HIPK1: variants seen among roughly 807,000 people sequenced by gnomAD.
The protein encoded by HIPK1 is homeodomain interacting protein kinase 1, also known as homeodomain-interacting protein kinase 1.
In HIPK1, 28 loss-of-function variants were observed where a neutral mutation model predicts 117.1. The ratio of observed to expected loss-of-function variants is 0.24; its 90% CI spans 0.18 to 0.33. The LOEUF is 0.33. HIPK1 is among the 10% of genes least tolerant of loss of function. The probability of loss-of-function intolerance (pLI) is 1.00; values close to 1 mark genes in which losing one functional copy is unlikely to be tolerated. For synonymous variants in HIPK1, 605 were observed against 562.5 expected, an observed-to-expected ratio of 1.08 and a Z score of -1.07; for missense variants, 1,122 against 1,475.1, an observed-to-expected ratio of 0.76 and a Z score of 3.92.
At chr1:113,936,499 C>A (rs2101135307) in intron 1 of HIPK1, among the ~76,000 whole-genome samples, 2 of 151,968 alleles carry the variant, frequency 1.3e-5, no homozygotes, top group South Asian at 4.2e-4. Context: ...GAGTCTCACT[C>A]TGTCGCCCAG....
intron 2 of HIPK1, among the ~76,000 whole-genome samples, chr1:113,946,619 G>A (rs1671009418): frequency 6.6e-6 from 1 of 152,044 alleles, no homozygotes; most frequent in Non-Finnish European, 1.5e-5. Flanking sequence ...ATTCATTTTG[G>A]TTTTGTTTTT....
rs1317738824 is a variant in HIPK1, at chr1:113,929,375, CAG to C, written c.-157_-156del. The C allele has an allele frequency of 1.1e-5, 14 of 1,289,512 alleles. No homozygotes were observed. Among genetic ancestry groups the C allele is most frequent in the Non-Finnish European group, 1.3e-5 (13 of 988,880 alleles). 79.9% of individuals were successfully genotyped at this position (1,289,512 alleles called of 1,614,324 possible). ...ACCGCCAGGCACCTTTAAATCACCG[CAG>C]AGTCTGCAGTGCGGAGGGGGCGGGA... is the stretch of plus-strand genomic sequence containing the variant. On this transcript the variant is annotated 5_prime_UTR_variant, in exon 1 of 16. Coordinates refer to ENST00000426820, the MANE Select transcript of HIPK1 (RefSeq NM_198268.3).
chr1:113,937,732 C>T (rs534505085), intron 1 of HIPK1, among the ~76,000 whole-genome samples: 1 of 152,160 alleles, frequency 6.6e-6, no homozygotes, highest in Middle Eastern at 3.4e-3. Flanking sequence ...TGTGGGAATG[C>T]ATGGTGGGGG....
chr1:113,937,541 A>T (rs555113278), intron 1 of HIPK1, among the ~76,000 whole-genome samples: 1 of 152,192 alleles, frequency 6.6e-6, no homozygotes, highest in African/African-American at 2.4e-5. Flanking sequence ...TATTTAATAG[A>T]TATGAGATTG....
intron 1 of HIPK1, among the ~76,000 whole-genome samples, chr1:113,938,789 A>G (rs1670422288): frequency 2.0e-5 from 3 of 151,472 alleles, no homozygotes; most frequent in African/African-American, 7.3e-5. Context: ...GCACGCCTCT[A>G]CTCTCAGCTA....
chr1:113,953,075 G>A (rs1388431166), intron 3 of HIPK1, among the ~76,000 whole-genome samples, 186 bp downstream of exon 3: 2 of 152,018 alleles, frequency 1.3e-5, no homozygotes, highest in African/African-American at 2.4e-5. Flanking sequence ...GCTAAAGTAT[G>A]TTTGCAATTC....
At chr1:113,952,160 A>T (rs1007848748) in intron 2 of HIPK1, among the ~76,000 whole-genome samples, 3 of 151,938 alleles carry the variant, frequency 2.0e-5, no homozygotes, top group African/African-American at 7.3e-5. Flanking sequence ...GCTGGTCTTG[A>T]ACTTCTGACC....
Position 113,966,199 on chromosome 1 carries a change from C to G in HIPK1, c.2308C>G (p.Leu770Val). 5.0e-6 allele frequency: 8 copies of G among 1,614,136 alleles called. No individual in the cohort carries two copies. The highest frequency in any genetic ancestry group is 1.3e-5 in the African/African-American group (1 of 75,032). The change falls in exon 11 of 16, where the codon CTA (leucine) becomes GTA (valine). Residue 770 changes from leucine (L) to valine (V), a missense_variant. Coordinates refer to ENST00000426820, the MANE Select transcript of HIPK1 (RefSeq NM_198268.3). ...STWQQLPGVALHNSVQPTAMI... is the reference protein window; with the variant it reads ...STWQQLPGVAVHNSVQPTAMI... ...TTGGCAACAGTTGCCTGGGGTAGCTCTACACAACTCTGTCCAGCCCACAGC... is the reference window on the plus strand; with the variant it reads ...TTGGCAACAGTTGCCTGGGGTAGCTGTACACAACTCTGTCCAGCCCACAGC...
chr1:113,971,130 G>T (rs961125484), intron 14 of HIPK1, among the ~76,000 whole-genome samples: 9 of 152,228 alleles, frequency 5.9e-5, no homozygotes, highest in South Asian at 2.1e-4. Flanking sequence ...TGTAATTTGA[G>T]GGTATTGTGT....
rs189618422 is a variant in HIPK1 at position 113,973,545 on chromosome 1, A to G, written c.*33A>G. The G allele has an allele frequency of 6.5e-7, 1 of 1,545,722 alleles. No individual in the cohort carries two copies. The highest frequency in any genetic ancestry group is 8.7e-7 in the Non-Finnish European group (1 of 1,143,178). Reference sequence around the variant, plus strand: ...GCATGAGGGAGGAGGAATCATGGCTACCTTCTCCTGGCCCTGCGTTCTTAA... The same window carrying G: ...GCATGAGGGAGGAGGAATCATGGCTGCCTTCTCCTGGCCCTGCGTTCTTAA... On this transcript the variant is annotated 3_prime_UTR_variant, in exon 16 of 16. Transcript: ENST00000426820.
rs1345758933 is a variant in HIPK1 at position 113,938,967 on chromosome 1, G to C, written c.-2-1415G>C. Among the ~76,000 whole-genome samples, 120 of 111,382 alleles carry C rather than the reference G, an allele frequency of 1.1e-3. 2 individuals are homozygous for C. The Middle Eastern group carries it at 0.016, about 15-fold the overall frequency. The allele number at this position is 111,382 out of a possible 152,430, so 73.1% of individuals were successfully genotyped here. On this transcript the variant is annotated intron_variant, in intron 1 of 15. Transcript: ENST00000426820. ...ACACACACACACACACACACACTTA[G>C]GAGATGGAATGGATAAGATAGAGAT...
intron 11 of HIPK1, among the ~76,000 whole-genome samples, chr1:113,966,551 C>G (rs1202998423): frequency 1.3e-5 from 2 of 152,154 alleles, no homozygotes; most frequent in Admixed American, 1.3e-4. Flanking sequence ...GCCTTGTAAT[C>G]TAGGTCCCCA....
intron 1 of HIPK1, among the ~76,000 whole-genome samples, chr1:113,935,635 C>T (rs554586140): frequency 1.3e-5 from 2 of 152,250 alleles, no homozygotes; most frequent in African/African-American, 4.8e-5. Flanking sequence ...AATTTATACT[C>T]CCATCAGCAG....
chr1:113,950,740 C>T (rs888526340), intron 2 of HIPK1, among the ~76,000 whole-genome samples: 14 of 152,144 alleles, frequency 9.2e-5, no homozygotes, highest in Admixed American at 9.2e-4. Flanking sequence ...TGACCTCAAG[C>T]AATCCACTCA....
Position 113,951,216 on chromosome 1 carries a change from C to T in HIPK1, c.1077-1550C>T. 4.1e-6 allele frequency: 4 copies of T among 983,428 alleles called. No individual in the cohort carries two copies. The South Asian group carries it at 1.4e-4, about 35-fold the overall frequency. The allele number at this position is 983,428 out of a possible 1,614,324, so 60.9% of individuals were successfully genotyped here. ...TTACCTATTATTTTCTTTTTGAACC[C>T]ACTTATTGCCTAATTAGTCATAGTT... On this transcript the variant is annotated intron_variant, in intron 2 of 15. Coordinates refer to ENST00000426820, the MANE Select transcript of HIPK1 (RefSeq NM_198268.3).
chr1:113,940,515 C>G lies in HIPK1; in HGVS notation c.132C>G (p.Thr44=). ...SGQSSNDKYY[T]HSKTLPATQG... ...AGAGTAGCAACGACAAATATTATACCCACAGCAAAACCCTCCCAGCCACAC... is the reference window on the plus strand; with the variant it reads ...AGAGTAGCAACGACAAATATTATACGCACAGCAAAACCCTCCCAGCCACAC... The change falls in exon 2 of 16, where the codon ACC becomes ACG. Residue 44 remains threonine, a synonymous_variant. Coordinates refer to ENST00000426820, the MANE Select transcript of HIPK1 (RefSeq NM_198268.3). The G allele has an allele frequency of 6.2e-7, 1 of 1,614,090 alleles. No individual in the cohort carries two copies. Among genetic ancestry groups the G allele is most frequent in the Non-Finnish European group, 8.5e-7 (1 of 1,180,022 alleles).
intron 8 of HIPK1, among the ~76,000 whole-genome samples, chr1:113,961,884 A>G (rs978358646): frequency 5.6e-5 from 8 of 142,622 alleles, no homozygotes; most frequent in African/African-American, 2.1e-4. Flanking sequence ...CAGAGTTTGC[A>G]GTGAGCCCAG....
chr1:113,967,683 G>T, intron 11 of HIPK1, 83 bp from the exon 12 acceptor site: 1 of 910,104 alleles, frequency 1.1e-6, no homozygotes, highest in Non-Finnish European at 1.6e-6. Flanking sequence ...GCTGCATTTT[G>T]GCTAATTGCT....
intron 13 of HIPK1, among the ~76,000 whole-genome samples, chr1:113,969,186 A>G (rs1320464374): frequency 6.6e-6 from 1 of 152,250 alleles, no homozygotes; most frequent in East Asian, 1.9e-4. Flanking sequence ...TTACAGAGTC[A>G]TGCAGAAATG....
Sources: allele counts gnomAD v4.1 joint callset (sites outside exome capture counted in the v4.1 genomes callset), GRCh38; gene constraint gnomAD v4.1.1; transcripts MANE v1.5; gene names NCBI Gene and HGNC (gene_info 2026-07-23, HGNC 2026-07-21).